The following HIPK3 variants were observed in gnomAD, a reference collection of about 807,000 sequenced individuals.
The protein encoded by HIPK3 is homeodomain-interacting protein kinase 3.
Under a neutral mutation model 124.2 loss-of-function variants are expected in HIPK3, and 47 were observed. The observed-to-expected ratio is 0.38, with a 90% CI of 0.30 to 0.48. The LOEUF (loss-of-function observed/expected upper bound fraction) is 0.48. Among genes scored for constraint, HIPK3 ranks in the 20% least tolerant of loss-of-function variants. HIPK3 has a pLI of 0.98. For missense variants in HIPK3, 1,286 were observed against 1,454.3 expected (o/e 0.88, Z 1.88); for synonymous variants, 482 against 515.2 (o/e 0.94, Z 0.87).
chr11:33,264,226 TGTA>T (rs1291326583), intron 1 of HIPK3, among the ~76,000 whole-genome samples: 1 of 152,118 alleles, frequency 6.6e-6, no homozygotes, highest in Non-Finnish European at 1.5e-5. Context: ...TAAAGGAAAA[TGTA>T]GTATTTGCTC....
intron 1 of HIPK3, among the ~76,000 whole-genome samples, chr11:33,285,496 T>C (rs1286277837): frequency 6.6e-6 from 1 of 151,774 alleles, no homozygotes; most frequent in Non-Finnish European, 1.5e-5. Flanking sequence ...TAGCATCAGC[T>C]ATTCATGAAA....
chr11:33,306,119 T>A (rs1852151494), intron 2 of HIPK3, among the ~76,000 whole-genome samples: 1 of 152,222 alleles, frequency 6.6e-6, no homozygotes, highest in Non-Finnish European at 1.5e-5. Context: ...AAGAGGCAAC[T>A]GAAATCTAAT....
intron 2 of HIPK3, among the ~76,000 whole-genome samples, chr11:33,323,360 C>T (rs1852719515): frequency 6.6e-6 from 1 of 152,174 alleles, no homozygotes; most frequent in African/African-American, 2.4e-5. Flanking sequence ...TCTTCTGCCT[C>T]AGCCTCCCAA....
chr11:33,348,401 G>A, intron 12 of HIPK3, 121 bp from the exon 13 acceptor site: 1 of 1,016,952 alleles, frequency 9.8e-7, no homozygotes, highest in Non-Finnish European at 1.4e-6. Context: ...ATCTGTTAGT[G>A]TGTTATATTC....
intron 2 of HIPK3, among the ~76,000 whole-genome samples, chr11:33,297,461 A>G (rs963408337): frequency 6.6e-6 from 1 of 152,206 alleles, no homozygotes; most frequent in African/African-American, 2.4e-5. Context: ...CCAAACTCTA[A>G]GCCAGAGCCA....
rs1313154559 is a variant in HIPK3, at chr11:33,353,117, A to G, written c.3197A>G (p.Gln1066Arg). The change falls in exon 17 of 17, where the codon CAA becomes CGA. Residue 1066 changes from glutamine (Q) to arginine (R), a missense_variant. Around this residue, in one of 3 missense-constraint regions of HIPK3, gnomAD observed 810 missense variants for 864.9 expected, o/e 0.94. Transcript: ENST00000303296. ...SQVQHFGSGH[Q>R]EWNGNFGHRR... The stretch of plus-strand genomic sequence containing the variant: ...GTTCAGCACTTTGGATCTGGGCATC[A>G]AGAGTGGAATGGAAACTTTGGGCAC... 2 of 1,612,226 alleles carry G rather than the reference A, an allele frequency of 1.2e-6. No individual in the cohort carries two copies. The highest frequency in any genetic ancestry group is 4.5e-5 in the East Asian group (2 of 44,840).
Position 33,341,635 on chromosome 11 carries a change from T to A in HIPK3, c.1846T>A (p.Cys616Ser), listed in dbSNP as rs1853338553. The A allele has an allele frequency of 1.2e-6, 2 of 1,613,812 alleles. No individual in the cohort carries two copies. Among genetic ancestry groups the A allele is most frequent in the Non-Finnish European group, 8.5e-7 (1 of 1,179,806 alleles). ...GCAGGCAGGAACTGCTCAGTTTGGT[T>A]GTGGTGATGCTTTTCAGCAGACATT... ...PLQAGTAQFG[C>S]GDAFQQTLII... The change falls in exon 8 of 17, where the codon TGT becomes AGT. Residue 616 changes from cysteine to serine, a missense_variant. Cys to Ser is a moderately radical substitution (Grantham distance 112). This residue lies in a region of HIPK3 where 810 missense variants were observed against 864.9 expected (regional missense o/e 0.94). Coordinates refer to ENST00000303296, the MANE Select transcript of HIPK3 (RefSeq NM_005734.5).
chr11:33,329,464 A>G (rs911697518), intron 3 of HIPK3, among the ~76,000 whole-genome samples: 1 of 152,222 alleles, frequency 6.6e-6, no homozygotes, highest in East Asian at 1.9e-4. Flanking sequence ...CACCTATTAC[A>G]TAATCATGAT....
Position 33,286,660 on chromosome 11 carries a change from T to A in HIPK3, c.246T>A (p.Ala82=). Residue 82 remains alanine (A), a synonymous_variant, in exon 2 of 17, where the codon GCT becomes GCA. Coordinates refer to ENST00000303296, the MANE Select transcript of HIPK3 (RefSeq NM_005734.5). ...ACAACTTTTCATTGCAGACAAGTGCTGTTGTTTTGAAAAACACTGCAGGTG... is the reference window on the plus strand; with the variant it reads ...ACAACTTTTCATTGCAGACAAGTGCAGTTGTTTTGAAAAACACTGCAGGTG... ...RGHNFSLQTS[A]VVLKNTAGAT... 1 of 1,614,142 alleles carries A rather than the reference T, an allele frequency of 6.2e-7. No homozygotes were observed. The highest frequency in any genetic ancestry group is 8.5e-7 in the Non-Finnish European group (1 of 1,179,992).
intron 2 of HIPK3, among the ~76,000 whole-genome samples, chr11:33,287,812 G>A (rs1317119297): frequency 1.3e-5 from 2 of 152,146 alleles, no homozygotes; most frequent in Non-Finnish European, 2.9e-5. Flanking sequence ...GTCTTTAAAT[G>A]TTGGAAAGTA....
intron 1 of HIPK3, among the ~76,000 whole-genome samples, chr11:33,274,930 C>T (rs1327329817): frequency 1.3e-5 from 2 of 152,174 alleles, no homozygotes; most frequent in Non-Finnish European, 2.9e-5. Flanking sequence ...CTGGAAAATA[C>T]CCAAGACTTT....
intron 1 of HIPK3, among the ~76,000 whole-genome samples, chr11:33,265,337 T>A (rs1850924327): frequency 6.6e-6 from 1 of 152,184 alleles, no homozygotes; most frequent in Non-Finnish European, 1.5e-5. Context: ...TAGGTAAGAA[T>A]AATATTGGGT....
At chr11:33,292,041 G>A (rs747324683) in intron 2 of HIPK3, among the ~76,000 whole-genome samples, 3 of 152,212 alleles carry the variant, frequency 2.0e-5, no homozygotes, top group Non-Finnish European at 4.4e-5. Context: ...AAGCTACATA[G>A]GAAGACCCGT....
intron 2 of HIPK3, among the ~76,000 whole-genome samples, chr11:33,309,829 T>C (rs1186839434): frequency 6.6e-6 from 1 of 152,268 alleles, no homozygotes; most frequent in African/African-American, 2.4e-5. Context: ...AAAGTAAAGC[T>C]TAATATTTGT....
intron 5 of HIPK3, among the ~76,000 whole-genome samples, chr11:33,339,061 AAGTTTTT>A (rs1853249513): frequency 1.3e-5 from 2 of 152,352 alleles, no homozygotes; most frequent in South Asian, 4.1e-4. Flanking sequence ...TTTAGTAAAA[AAGTTTTT>A]GCTTTGAAAG....
At chr11:33,277,236 C>T (rs1487866773) in intron 1 of HIPK3, among the ~76,000 whole-genome samples, 1 of 152,048 alleles carries the variant, frequency 6.6e-6, no homozygotes, top group Admixed American at 6.6e-5. Context: ...TGTTTTTATA[C>T]CTTTACCACA....
At chr11:33,285,576 AAAATAT>A (rs910903616) in intron 1 of HIPK3, among the ~76,000 whole-genome samples, 70 of 56,042 alleles carry the variant, frequency 1.2e-3, no homozygotes, top group South Asian at 3.6e-3. Context: ...TCAAAAAAAA[AAAATAT>A]ATATATATAT....
chr11:33,270,734 T>TC (rs1302873647), intron 1 of HIPK3, among the ~76,000 whole-genome samples: 3 of 152,104 alleles, frequency 2.0e-5, no homozygotes, highest in Non-Finnish European at 2.9e-5. Flanking sequence ...GGTAGGTGGA[T>TC]CACTTTTGCA....
chr11:33,347,746 G>T lies in HIPK3; in HGVS notation c.2137G>T (p.Asp713Tyr). 1 of 1,613,760 alleles carries T rather than the reference G, an allele frequency of 6.2e-7. No homozygotes were observed. The highest frequency in any genetic ancestry group is 1.1e-5 in the South Asian group (1 of 91,046). ...TGTGGCTGGTTCACACAGGCTTGGAGACTGGGGGTAAGCTGAAAACAAAAG... is the reference window on the plus strand; with the variant it reads ...TGTGGCTGGTTCACACAGGCTTGGATACTGGGGGTAAGCTGAAAACAAAAG... ...ESVAGSHRLG[D>Y]WGKMISCSNH... The change falls in exon 10 of 17, where the codon GAC (aspartate) becomes TAC (tyrosine). Residue 713 changes from aspartate to tyrosine, a missense_variant. Asp to Tyr is a radical substitution (Grantham distance 160, BLOSUM62 -3). Around this residue, in one of 3 missense-constraint regions of HIPK3, gnomAD observed 810 missense variants for 864.9 expected, o/e 0.94. Coordinates refer to ENST00000303296, the MANE Select transcript of HIPK3 (RefSeq NM_005734.5).
Sources: gnomAD v4.1 joint callset for allele counts (sites outside exome capture counted in the v4.1 genomes callset) on GRCh38, gnomAD v4.1.1 for gene constraint, gnomAD v4.1.1 regional missense constraint, MANE v1.5 for transcripts, NCBI Gene and HGNC (gene_info 2026-07-23, HGNC 2026-07-21) for gene names.